SMIM13: variants seen among roughly 807,000 people sequenced by gnomAD.
SMIM13 encodes small integral membrane protein 13, also known as UPF0766 protein C6orf228.
A neutral mutation model predicts 5.9 loss-of-function variants in SMIM13; 3 were observed. The observed-to-expected ratio is 0.51, with a 90% CI of 0.23 to 1.31. The LOEUF is 1.31. Among genes scored for constraint, SMIM13 ranks in the 40% most tolerant of loss-of-function variants. The pLI is 0.18. For synonymous variants in SMIM13, 55 were observed against 46.0 expected (o/e 1.19, Z -0.79); for missense variants, 85 against 109.9 (o/e 0.77, Z 1.01).
chr6:11,101,749 T>C (rs945194952), intron 1 of SMIM13, among the ~76,000 whole-genome samples: 12 of 151,812 alleles, frequency 7.9e-5, no homozygotes, highest in African/African-American at 1.2e-4. Flanking sequence ...ATTCTTTTTT[T>C]TTTTTTTTTG....
intron 1 of SMIM13, among the ~76,000 whole-genome samples, chr6:11,118,027 T>C (rs1389152010): frequency 6.6e-6 from 1 of 151,792 alleles, no homozygotes; most frequent in East Asian, 1.9e-4. Context: ...CATGCCACCA[T>C]TCCTGGCCAA....
At chr6:11,103,830 A>G (rs753623180) in intron 1 of SMIM13, 1 of 1,551,700 alleles carries the variant, frequency 6.4e-7, no homozygotes, top group South Asian at 1.2e-5. Flanking sequence ...GAGCAAAAGT[A>G]GGAGACTAAC....
chr6:11,101,507 G>A (rs1561751402), intron 1 of SMIM13, among the ~76,000 whole-genome samples: 2 of 152,184 alleles, frequency 1.3e-5, no homozygotes, highest in East Asian at 1.9e-4. Context: ...TCCGAAGGAG[G>A]AGATGGAAGG....
At chr6:11,129,138 C>T (rs1347140481) in intron 1 of SMIM13, among the ~76,000 whole-genome samples, 1 of 151,934 alleles carries the variant, frequency 6.6e-6, no homozygotes, top group Non-Finnish European at 1.5e-5. Flanking sequence ...TCCCTCCTCT[C>T]TAATTGTATT....
At chr6:11,132,356 A>G (rs1204725044) in intron 1 of SMIM13, among the ~76,000 whole-genome samples, 1 of 152,184 alleles carries the variant, frequency 6.6e-6, no homozygotes, top group South Asian at 2.1e-4. Context: ...GCAGTTTCAC[A>G]AGTGTTTAAA....
chr6:11,132,637 T>G (rs978616823), intron 1 of SMIM13, among the ~76,000 whole-genome samples: 8 of 152,142 alleles, frequency 5.3e-5, no homozygotes, highest in African/African-American at 1.9e-4. Context: ...TGGACACACC[T>G]TGGAAACATG....
At chr6:11,124,769 T>C (rs13190922) in intron 1 of SMIM13, among the ~76,000 whole-genome samples, 28,516 of 152,146 alleles carry the variant, frequency 0.19, 3,017 homozygotes, top group African/African-American at 0.29. Flanking sequence ...TGATGATCAG[T>C]GATGTTGAGC....
rs766821694 is a variant in SMIM13, at chr6:11,105,123, C to A, written c.76+10734C>A. The stretch of plus-strand genomic sequence containing the variant: ...TTCCGCCTCTATGCTTGTCCATTCT[C>A]TGGGCGAGGCTGGATAAGCTGTCCC... On this transcript the variant is annotated intron_variant, in intron 1 of 1. Coordinates refer to ENST00000416247, the MANE Select transcript of SMIM13 (RefSeq NM_001135575.2). 9 of 1,614,080 alleles carry A rather than the reference C, an allele frequency of 5.6e-6. No individual in the cohort carries two copies. The East Asian group carries it at 2.0e-4, about 36-fold the overall frequency.
chr6:11,135,648 T>C lies in SMIM13; in HGVS notation c.*1046T>C, dbSNP rs1469728236. 1 of 152,618 alleles carries C rather than the reference T, an allele frequency of 6.6e-6. No homozygotes were observed. Among genetic ancestry groups the C allele is most frequent in the East Asian group, 1.9e-4 (1 of 5,204 alleles). The allele number at this position is 152,618 out of a possible 1,614,324, so 9.5% of individuals were successfully genotyped here. ...GGAAAAATGCAGACATCAATGACTG[T>C]GGTTTGAAAAGTGATTCAGAAGAGT... On this transcript the variant is annotated 3_prime_UTR_variant, in exon 2 of 2. Transcript: ENST00000416247.
At chr6:11,102,065 A>T (rs1373120851) in intron 1 of SMIM13, among the ~76,000 whole-genome samples, 1 of 152,290 alleles carries the variant, frequency 6.6e-6, no homozygotes, top group African/African-American at 2.4e-5. Flanking sequence ...TAAAAGCCTT[A>T]TAATTCTAAC....
At chr6:11,114,912 T>C (rs1470193568) in intron 1 of SMIM13, among the ~76,000 whole-genome samples, 1 of 152,200 alleles carries the variant, frequency 6.6e-6, no homozygotes, top group Admixed American at 6.5e-5. Flanking sequence ...ATTTTTTCTC[T>C]TTTAAGTCTG....
intron 1 of SMIM13, chr6:11,104,517 C>T (rs768876073): frequency 1.3e-6 from 2 of 1,565,972 alleles, no homozygotes; most frequent in East Asian, 4.7e-5. Flanking sequence ...GCCCAGGTAG[C>T]TGGTGGCTAT....
At chr6:11,121,069 G>A (rs1396210279) in intron 1 of SMIM13, among the ~76,000 whole-genome samples, 1 of 152,200 alleles carries the variant, frequency 6.6e-6, no homozygotes, top group African/African-American at 2.4e-5. Context: ...ACAGAAGTGA[G>A]TGCTCTTTTG....
chr6:11,133,560 G>C (rs1758478972), intron 1 of SMIM13, among the ~76,000 whole-genome samples: 1 of 152,118 alleles, frequency 6.6e-6, no homozygotes, highest in African/African-American at 2.4e-5. Context: ...AAGAAAACAC[G>C]TAAGCATGAA....
chr6:11,101,756 T>TG, intron 1 of SMIM13, among the ~76,000 whole-genome samples: 1 of 151,996 alleles, frequency 6.6e-6, no homozygotes, highest in Admixed American at 6.5e-5. Flanking sequence ...TTTTTTTTTT[T>TG]TTGAGACAGA....
chr6:11,104,405 G>A, intron 1 of SMIM13: 2 of 1,551,600 alleles, frequency 1.3e-6, no homozygotes, highest in Middle Eastern at 1.7e-4. Context: ...GAATCGACTG[G>A]CCACAAATAT....
At chr6:11,123,390 C>T (rs565104823) in intron 1 of SMIM13, among the ~76,000 whole-genome samples, 182 of 152,184 alleles carry the variant, frequency 1.2e-3, no homozygotes, top group African/African-American at 4.1e-3. Context: ...TTTGTTTAAG[C>T]TAAGTCTTTG....
rs1423878552 is a variant in SMIM13 at position 11,094,272 on chromosome 6, C to G, written c.-42C>G. On this transcript the variant is annotated 5_prime_UTR_variant, in exon 1 of 2. Coordinates refer to ENST00000416247, the MANE Select transcript of SMIM13 (RefSeq NM_001135575.2). ...CGCCGCCGCCCGCGCTCACCGCCGT[C>G]CGCGCCAGCCGCCCCGAGCCGACTG... is the stretch of plus-strand genomic sequence containing the variant. 7.7e-7 allele frequency: 1 copy of G among 1,295,516 alleles called. No individual in the cohort carries two copies. The highest frequency in any genetic ancestry group is 1.9e-5 in the South Asian group (1 of 53,136). 80.3% of individuals were successfully genotyped at this position (1,295,516 alleles called of 1,614,324 possible).
Position 11,094,290 on chromosome 6 carries a change from G to T in SMIM13, c.-24G>T, listed in dbSNP as rs765841970. 9 of 1,410,006 alleles carry T rather than the reference G, an allele frequency of 6.4e-6. No homozygotes were observed. The South Asian group carries it at 1.1e-4, about 17-fold the overall frequency. 87.3% of individuals were successfully genotyped at this position (1,410,006 alleles called of 1,614,324 possible). ...CCGCCGTCCGCGCCAGCCGCCCCGAGCCGACTGCCCTTCTGCCCCCAAGAT... is the reference window on the plus strand; with the variant it reads ...CCGCCGTCCGCGCCAGCCGCCCCGATCCGACTGCCCTTCTGCCCCCAAGAT... On this transcript the variant is annotated 5_prime_UTR_variant, in exon 1 of 2. Coordinates refer to ENST00000416247, the MANE Select transcript of SMIM13 (RefSeq NM_001135575.2).
Sources: gnomAD v4.1 joint callset for allele counts (sites outside exome capture counted in the v4.1 genomes callset) on GRCh38, gnomAD v4.1.1 for gene constraint, MANE v1.5 for transcripts, NCBI Gene and HGNC (gene_info 2026-07-23, HGNC 2026-07-21) for gene names.